HECTD2: variants seen among roughly 807,000 people sequenced by gnomAD.
The protein encoded by HECTD2 is probable E3 ubiquitin-protein ligase HECTD2.
A neutral mutation model predicts 103.2 loss-of-function variants in HECTD2; 35 were observed. The ratio of observed to expected loss-of-function variants is 0.34; its 90% CI spans 0.26 to 0.45. The LOEUF is 0.45. HECTD2 is among the 20% of genes least tolerant of loss of function. The probability of loss-of-function intolerance (pLI) is 1.00; values close to 1 mark genes in which losing one functional copy is unlikely to be tolerated. For synonymous variants in HECTD2, 281 were observed against 329.9 expected (o/e 0.85, Z 1.61); for missense variants, 596 against 937.4 (o/e 0.64, Z 4.76).
chr10:91,484,489 T>G lies in HECTD2; in HGVS notation c.822-18T>G. Reference sequence around the variant, plus strand: ...AAAATGTGAATTTTGATTGCAATTATTTTGAAATCTTTACCAGATTGTCCC... The same window carrying G: ...AAAATGTGAATTTTGATTGCAATTAGTTTGAAATCTTTACCAGATTGTCCC... On this transcript the variant is annotated intron_variant, in intron 8 of 20. Coordinates refer to ENST00000298068, the MANE Select transcript of HECTD2 (RefSeq NM_182765.6). 1 of 1,593,822 alleles carries G rather than the reference T, an allele frequency of 6.3e-7. No homozygotes were observed. The highest frequency in any genetic ancestry group is 1.1e-5 in the South Asian group (1 of 87,180).
At chr10:91,469,844 C>T (rs1389104018) in intron 5 of HECTD2, among the ~76,000 whole-genome samples, 1 of 152,200 alleles carries the variant, frequency 6.6e-6, no homozygotes. Flanking sequence ...CATACAGTGA[C>T]ATCCATAGGC....
chr10:91,474,139 A>T (rs1845825627), intron 5 of HECTD2, among the ~76,000 whole-genome samples: 1 of 152,210 alleles, frequency 6.6e-6, no homozygotes, highest in African/African-American at 2.4e-5. Flanking sequence ...GAATAATAAG[A>T]AATCAAAAGT....
chr10:91,415,499 A>G (rs778901539), intron 1 of HECTD2, among the ~76,000 whole-genome samples: 1 of 152,194 alleles, frequency 6.6e-6, no homozygotes, highest in Non-Finnish European at 1.5e-5. Flanking sequence ...ACCAAAAGCA[A>G]TCACAACAAC....
chr10:91,495,748 T>C (rs1169594591), intron 14 of HECTD2, among the ~76,000 whole-genome samples: 1 of 152,124 alleles, frequency 6.6e-6, no homozygotes, highest in Non-Finnish European at 1.5e-5. Flanking sequence ...CATATGTTTA[T>C]TCAGTTTAGC....
intron 20 of HECTD2, among the ~76,000 whole-genome samples, chr10:91,502,054 A>AACC (rs1846922750): frequency 6.6e-6 from 1 of 152,074 alleles, no homozygotes; most frequent in African/African-American, 2.4e-5. Context: ...CTACCTTGGT[A>AACC]AAGTTACTTT....
At chr10:91,456,681 T>C (rs1404840338) in intron 2 of HECTD2, among the ~76,000 whole-genome samples, 2 of 152,138 alleles carry the variant, frequency 1.3e-5, no homozygotes, top group Non-Finnish European at 2.9e-5. Context: ...GCTTCCAGTT[T>C]TTGCCCATTC....
At chr10:91,491,675 G>T (rs1288569231) in intron 12 of HECTD2, among the ~76,000 whole-genome samples, 7 of 152,072 alleles carry the variant, frequency 4.6e-5, no homozygotes, top group Non-Finnish European at 1.5e-5. Context: ...CCAGGTCTCA[G>T]ACTACACATC....
intron 1 of HECTD2, among the ~76,000 whole-genome samples, chr10:91,420,410 C>T (rs1843305975): frequency 2.7e-5 from 4 of 149,718 alleles, no homozygotes; most frequent in Admixed American, 2.0e-4. Flanking sequence ...ATGGTGAAAC[C>T]CCATCTCTAC....
intron 2 of HECTD2, among the ~76,000 whole-genome samples, chr10:91,433,730 T>TA (rs1260900316): frequency 6.6e-6 from 1 of 151,862 alleles, no homozygotes; most frequent in Admixed American, 6.6e-5. Flanking sequence ...GGCCCAGGAG[T>TA]AAATGCATGT....
At chr10:91,452,049 G>A (rs1194043023) in intron 2 of HECTD2, among the ~76,000 whole-genome samples, 1 of 152,038 alleles carries the variant, frequency 6.6e-6, no homozygotes, top group Non-Finnish European at 1.5e-5. Flanking sequence ...GAGGGGATAG[G>A]AATCAATGAA....
chr10:91,498,216 A>T, intron 16 of HECTD2, 34 bp downstream of exon 16: 2 of 1,350,426 alleles, frequency 1.5e-6, no homozygotes, highest in African/African-American at 1.4e-5. Flanking sequence ...TCTGTTAATC[A>T]TATATTTCAT....
chr10:91,412,642 C>A (rs1429192333), intron 1 of HECTD2, among the ~76,000 whole-genome samples: 13 of 141,378 alleles, frequency 9.2e-5, no homozygotes, highest in Non-Finnish European at 1.5e-4. Flanking sequence ...AAAAAAAAAA[C>A]AATTTATGAC....
At chr10:91,500,394 TACTATGAG>T in intron 18 of HECTD2, 100 bp from the exon 19 acceptor site, 1 of 546,438 alleles carries the variant, frequency 1.8e-6, no homozygotes, top group African/African-American at 1.9e-5. Context: ...TGGTTTGATT[TACTATGAG>T]AAATCATGAC....
At chr10:91,471,108 A>G (rs752764292) in intron 5 of HECTD2, among the ~76,000 whole-genome samples, 1 of 152,192 alleles carries the variant, frequency 6.6e-6, no homozygotes, top group African/African-American at 2.4e-5. Context: ...AAAGCACATC[A>G]ACAAGCTAAT....
Position 91,498,415 on chromosome 10 carries a change from T to A in HECTD2, c.1755+233T>A, listed in dbSNP as rs895973992. On this transcript the variant is annotated intron_variant, in intron 16 of 20. Coordinates refer to ENST00000298068, the MANE Select transcript of HECTD2 (RefSeq NM_182765.6). ...AGAGTACTCTCTAGGCAATTACATA[T>A]CCCCTTGAGTTGGTTACTTTCTCAG... Among the ~76,000 whole-genome samples the A allele has an allele frequency of 2.0e-5, 3 of 152,324 alleles. 1 individual carries two copies. Among genetic ancestry groups the A allele is most frequent in the Admixed American group, 2.0e-4 (3 of 15,304 alleles).
chr10:91,499,265 CT>C, intron 18 of HECTD2, 115 bp downstream of exon 18: 1 of 625,810 alleles, frequency 1.6e-6, no homozygotes, highest in Non-Finnish European at 2.6e-6. Flanking sequence ...ATATTTTCTA[CT>C]TTTTAAAAGT....
chr10:91,477,041 C>T (rs1366118233), intron 5 of HECTD2, among the ~76,000 whole-genome samples: 4 of 151,982 alleles, frequency 2.6e-5, no homozygotes, highest in African/African-American at 9.7e-5. Flanking sequence ...ATTAGCCGGG[C>T]GCGGTGGCGG....
Position 91,483,248 on chromosome 10 carries a change from A to C in HECTD2, c.821+172A>C, listed in dbSNP as rs558795869. 2.0e-5 allele frequency among the ~76,000 whole-genome samples: 3 copies of C among 152,142 alleles called. No individual in the cohort carries two copies. The South Asian group carries it at 6.2e-4, about 32-fold the overall frequency. On this transcript the variant is annotated intron_variant, in intron 8 of 20. Transcript: ENST00000298068. ...AATCTACTTTAGTACTACATAAAGG[A>C]TAATTAAAAATCTGTTTTTAATGTA... is the stretch of plus-strand genomic sequence containing the variant.
At chr10:91,505,110 C>T (rs1216508159) in intron 20 of HECTD2, among the ~76,000 whole-genome samples, 13 of 151,966 alleles carry the variant, frequency 8.6e-5, no homozygotes, top group African/African-American at 3.1e-4. Context: ...CCTAAAAGAG[C>T]TCCTGAAGGA....
Sources: gnomAD v4.1 joint callset for allele counts (sites outside exome capture counted in the v4.1 genomes callset) on GRCh38, gnomAD v4.1.1 for gene constraint, MANE v1.5 for transcripts, NCBI Gene and HGNC (gene_info 2026-07-23, HGNC 2026-07-21) for gene names.